DLAT: variants seen among roughly 807,000 people sequenced by gnomAD.
DLAT encodes the protein dihydrolipoyllysine-residue acetyltransferase component of pyruvate dehydrogenase complex, mitochondrial.
Under a neutral mutation model 68.0 loss-of-function variants are expected in DLAT, and 43 were observed. The observed-to-expected ratio is 0.63, with a 90% confidence interval of 0.50 to 0.81. The LOEUF (loss-of-function observed/expected upper bound fraction) is 0.81. Among genes scored for constraint, DLAT ranks in the 40% least tolerant of loss-of-function variants. The pLI is 0.00. For missense variants in DLAT, 745 were observed against 815.4 expected (o/e 0.91, Z 1.05); for synonymous variants, 265 against 288.6 (o/e 0.92, Z 0.83).
chr11:112,050,953 G>T (rs1555181910), intron 10 of DLAT, among the ~76,000 whole-genome samples: 1 of 152,152 alleles, frequency 6.6e-6, no homozygotes. Flanking sequence ...CAGGATATTT[G>T]TATATTCTCT....
At chr11:112,028,063 T>C (rs2137694546) in intron 2 of DLAT, among the ~76,000 whole-genome samples, 1 of 152,316 alleles carries the variant, frequency 6.6e-6, no homozygotes, top group African/African-American at 2.4e-5. Context: ...GAAACTGAAG[T>C]GTTTTTCACA....
rs1359452593 is a variant in DLAT, at chr11:112,026,917, G to T, written c.381+618G>T. On this transcript the variant is annotated intron_variant, in intron 2 of 13. Coordinates refer to ENST00000280346, the MANE Select transcript of DLAT (RefSeq NM_001931.5). Reference sequence around the variant, plus strand: ...TGGGCAGAGGCGCCCCTCACCTCCCGGGCGGGGCAGCTGGCCAGGCGGGGG... The same window carrying T: ...TGGGCAGAGGCGCCCCTCACCTCCCTGGCGGGGCAGCTGGCCAGGCGGGGG... 9.4e-4 allele frequency among the ~76,000 whole-genome samples: 140 copies of T among 149,588 alleles called. 1 individual carries two copies. Among genetic ancestry groups the T allele is most frequent in the African/African-American group, 3.1e-3 (126 of 40,648 alleles).
At chr11:112,061,456 G>A in intron 13 of DLAT, 1 of 372,204 alleles carries the variant, frequency 2.7e-6, no homozygotes, top group Non-Finnish European at 4.9e-6. Context: ...TGTGCTTACT[G>A]GAAATTTGTG....
chr11:112,042,343 C>G (rs1479375877), intron 7 of DLAT, among the ~76,000 whole-genome samples: 1 of 152,204 alleles, frequency 6.6e-6, no homozygotes, highest in Non-Finnish European at 1.5e-5. Context: ...TCTTGAGGGA[C>G]TGTGGTGTCT....
chr11:112,051,904 A>G lies in DLAT; in HGVS notation c.1514+555A>G, dbSNP rs1238955590. Among the ~76,000 whole-genome samples the G allele has an allele frequency of 6.6e-6, 1 of 152,224 alleles. No individual in the cohort carries two copies. Among genetic ancestry groups the G allele is most frequent in the East Asian group, 1.9e-4 (1 of 5,206 alleles). ...CAGTAATTGTTAATAATACAATGGT[A>G]TAGAGTAGTATGGTACTCAGTGTGT... On this transcript the variant is annotated intron_variant, in intron 11 of 13. Transcript: ENST00000280346. The surrounding 1 kb of genome is among the most constrained non-coding windows in gnomAD (Gnocchi z 4.3).
rs1274446052 is a variant in DLAT at position 112,061,227 on chromosome 11, A to G, written c.1814+53A>G. On this transcript the variant is annotated intron_variant, in intron 13 of 13. Coordinates refer to ENST00000280346, the MANE Select transcript of DLAT (RefSeq NM_001931.5). Reference sequence around the variant, plus strand: ...TAAGCTAATTTTTATTACACTGTACACTTGTCCTGTGGTATCCTCAGGGGA... The same window carrying G: ...TAAGCTAATTTTTATTACACTGTACGCTTGTCCTGTGGTATCCTCAGGGGA... 13 of 1,605,448 alleles carry G rather than the reference A, an allele frequency of 8.1e-6. No individual in the cohort carries two copies. In the East Asian group the frequency reaches 1.3e-4, roughly 17 times the overall value.
chr11:112,029,577 G>A (rs782058010), intron 4 of DLAT, among the ~76,000 whole-genome samples: 17 of 151,964 alleles, frequency 1.1e-4, no homozygotes, highest in Non-Finnish European at 2.5e-4. Flanking sequence ...AGCCATTCAC[G>A]AGGGATCCTC....
intron 2 of DLAT, among the ~76,000 whole-genome samples, chr11:112,027,501 A>G (rs373140686): frequency 0.39 from 57,686 of 148,426 alleles, 11,042 homozygotes; most frequent in East Asian, 0.56. Context: ...ACGGGGTGGC[A>G]GCCGGGCAGA....
rs782760593 is a variant in DLAT, at chr11:112,026,329, T to G, written c.381+30T>G. Reference sequence around the variant, plus strand: ...GTTTTTTTTTTTTTTTTTAATTAATTTATTTATTTTTTTTATTGATCATTC... The same window carrying G: ...GTTTTTTTTTTTTTTTTTAATTAATGTATTTATTTTTTTTATTGATCATTC... On this transcript the variant is annotated intron_variant, in intron 2 of 13. Transcript: ENST00000280346. 5.0e-6 allele frequency: 6 copies of G among 1,206,018 alleles called. No homozygotes were observed. In the Admixed American group the frequency reaches 9.0e-5, roughly 18 times the overall value. The allele number at this position is 1,206,018 out of a possible 1,614,324, so 74.7% of individuals were successfully genotyped here. A position where few individuals can be genotyped will look rare whatever the true frequency, so the allele number is the denominator to read the frequency against.
At chr11:112,058,244 G>A (rs1047139116) in intron 11 of DLAT, among the ~76,000 whole-genome samples, 2 of 152,170 alleles carry the variant, frequency 1.3e-5, no homozygotes, top group African/African-American at 4.8e-5. Flanking sequence ...GAAGATGATT[G>A]AACAAGCAAT....
At chr11:112,058,147 C>T (rs587666389) in intron 11 of DLAT, among the ~76,000 whole-genome samples, 25 of 152,350 alleles carry the variant, frequency 1.6e-4, no homozygotes, top group Non-Finnish European at 2.8e-4. Context: ...CTTGTTCATA[C>T]ACCCATTCAA....
intron 10 of DLAT, among the ~76,000 whole-genome samples, 168 bp downstream of exon 10, chr11:112,046,138 T>G (rs1209144883): frequency 6.6e-6 from 1 of 152,214 alleles, no homozygotes; most frequent in South Asian, 2.1e-4. Context: ...ATGTCCACTT[T>G]TATCAATTTT....
At chr11:112,056,392 C>T (rs114739179) in intron 11 of DLAT, among the ~76,000 whole-genome samples, 1,587 of 152,206 alleles carry the variant, frequency 0.01, 30 homozygotes, top group African/African-American at 0.036. Context: ...GTGCTTGAGT[C>T]TATAGATTTG....
intron 11 of DLAT, among the ~76,000 whole-genome samples, chr11:112,054,586 A>T (rs1036001731): frequency 5.3e-5 from 8 of 152,202 alleles, no homozygotes; most frequent in Admixed American, 1.3e-4. Flanking sequence ...AATCTGATCA[A>T]ACCTATTGGG....
In DLAT at chr11:112,028,640, G is replaced by A. The variant is rs1862221980; in HGVS notation, c.506+1G>A. The A allele has an allele frequency of 1.2e-6, 2 of 1,614,086 alleles. No individual in the cohort carries two copies. The highest frequency in any genetic ancestry group is 1.7e-6 in the Non-Finnish European group (2 of 1,180,054). On this transcript the variant is annotated splice_donor_variant, in intron 3 of 13. Transcript: ENST00000280346. LOFTEE classifies it high-confidence loss of function. ...CGATCATCTGTATCACAGTTGGCAA[G>A]TGAGTAGTGCGCTCATAATTTGTGG...
intron 8 of DLAT, among the ~76,000 whole-genome samples, chr11:112,044,441 G>T (rs1248800667): frequency 6.6e-6 from 1 of 152,120 alleles, no homozygotes; most frequent in Non-Finnish European, 1.5e-5. Flanking sequence ...GTGAGTCATT[G>T]TGAGGCTCAA....
intron 2 of DLAT, among the ~76,000 whole-genome samples, chr11:112,027,707 G>T (rs1446182939): frequency 1.4e-5 from 2 of 144,796 alleles, no homozygotes; most frequent in Admixed American, 1.4e-4. Flanking sequence ...AGACCAGCCC[G>T]GCCAACACAG....
chr11:112,036,201 G>GTGTGTGT lies in DLAT; in HGVS notation c.788-1071_788-1070insGTGTGTT, dbSNP rs1555180455. On this transcript the variant is annotated intron_variant, in intron 5 of 13. Coordinates refer to ENST00000280346, the MANE Select transcript of DLAT (RefSeq NM_001931.5). ...TGTGTGTGTGTGTGTGTGTGTGTGT[G>GTGTGTGT]TTTTTTTTTTTTTTTTTTTTTTTTT... 3.0e-3 allele frequency among the ~76,000 whole-genome samples: 110 copies of GTGTGTGT among 36,488 alleles called. 2 individuals carry two copies. Among genetic ancestry groups the GTGTGTGT allele is most frequent in the African/African-American group, 6.2e-3 (69 of 11,072 alleles). The allele number at this position is 36,488 out of a possible 152,430, so 23.9% of individuals were successfully genotyped here.
chr11:112,037,748 T>C (rs887090723), intron 6 of DLAT, among the ~76,000 whole-genome samples: 2 of 150,822 alleles, frequency 1.3e-5, no homozygotes, highest in Admixed American at 1.3e-4. Context: ...GATACCATGC[T>C]TGTGGAAAGT....
Sources: allele counts gnomAD v4.1 joint callset (sites outside exome capture counted in the v4.1 genomes callset), GRCh38; gene constraint gnomAD v4.1.1; non-coding constraint Gnocchi (gnomAD v3.1); transcripts MANE v1.5; gene names NCBI Gene and HGNC (gene_info 2026-07-23, HGNC 2026-07-21).